SLBP: variants seen among roughly 807,000 people sequenced by gnomAD.
SLBP encodes histone RNA hairpin-binding protein.
Under a neutral mutation model 39.2 loss-of-function variants are expected in SLBP, and 29 were observed. That is an observed-to-expected ratio of 0.74 (90% CI 0.55 to 1.01). The LOEUF is 1.01. Among genes scored for constraint, SLBP ranks in the 50% least tolerant of loss-of-function variants. The pLI is 0.00. For synonymous variants in SLBP, 129 were observed against 118.7 expected (o/e 1.09, Z -0.57); for missense variants, 390 against 350.2 (o/e 1.11, Z -0.91).
At chr4:1,696,705 T>C (rs1253301107) in intron 5 of SLBP, among the ~76,000 whole-genome samples, 1 of 151,922 alleles carries the variant, frequency 6.6e-6, no homozygotes, top group African/African-American at 2.4e-5. Context: ...CGAGACCAGC[T>C]TGGCCAACAT....
intron 2 of SLBP, 85 bp from the exon 3 acceptor site, chr4:1,703,785 G>T: frequency 1.0e-6 from 1 of 952,606 alleles, no homozygotes; most frequent in Non-Finnish European, 1.7e-6. Flanking sequence ...TCAAAGGCTG[G>T]TGGGACACAG....
chr4:1,696,537 T>A (rs1716110853), intron 5 of SLBP, among the ~76,000 whole-genome samples, 186 bp from the exon 6 acceptor site: 1 of 151,744 alleles, frequency 6.6e-6, no homozygotes, highest in Non-Finnish European at 1.5e-5. Context: ...CTCAGGAATT[T>A]AAAAATGGCC....
At chr4:1,701,201 A>T (rs1028373028) in intron 3 of SLBP, among the ~76,000 whole-genome samples, 2 of 137,032 alleles carry the variant, frequency 1.5e-5, no homozygotes, top group Non-Finnish European at 3.1e-5. Context: ...ACTGGAGTGC[A>T]ATGGCGAGAT....
At chr4:1,694,175 C>T (rs888644756) in intron 7 of SLBP, among the ~76,000 whole-genome samples, 1 of 152,138 alleles carries the variant, frequency 6.6e-6, no homozygotes. Context: ...CTCTGCCTCC[C>T]GGGTTCAAGT....
At chr4:1,699,421 A>G in intron 5 of SLBP, 143 bp downstream of exon 5, 1 of 634,890 alleles carries the variant, frequency 1.6e-6, no homozygotes, top group South Asian at 3.1e-5. Context: ...TATTTACGTC[A>G]TAAGCCCCAG....
chr4:1,696,736 A>C (rs1716119840), intron 5 of SLBP, among the ~76,000 whole-genome samples: 2 of 152,164 alleles, frequency 1.3e-5, no homozygotes, highest in Admixed American at 1.3e-4. Context: ...CGTCTCTACT[A>C]AAAATGCAAA....
In SLBP at chr4:1,712,243, G is replaced by T; in HGVS notation, c.-55C>A. The T allele has an allele frequency of 5.3e-6, 6 of 1,133,240 alleles. No individual in the cohort carries two copies. The highest frequency in any genetic ancestry group is 4.7e-5 in the South Asian group (2 of 42,468). The allele number at this position is 1,133,240 out of a possible 1,614,324, so 70.2% of individuals were successfully genotyped here. A position where few individuals can be genotyped will look rare whatever the true frequency, so the allele number is the denominator to read the frequency against. On this transcript the variant is annotated 5_prime_UTR_variant, in exon 1 of 8. Transcript: ENST00000489418. ...GCCGAGGCTGAGGCGGCGGCGGCGC[G>T]GGCAGAGAGCGCAGAGTAGAGCAGG...
At position 1,696,901 on chromosome 4, in the gene SLBP, A is replaced by G. The variant is rs186893549; in HGVS notation, c.480-550T>C. On this transcript the variant is annotated intron_variant, in intron 5 of 7. Coordinates refer to ENST00000489418, the MANE Select transcript of SLBP (RefSeq NM_006527.4). ...AACACAGCGAGACTTCACCTCCAAA[A>G]AAAAAAAAAACAAACGCTGCTGGGT... Among the ~76,000 whole-genome samples, 548 of 151,580 alleles carry G rather than the reference A, an allele frequency of 3.6e-3. 6 individuals are homozygous for G. Among genetic ancestry groups the G allele is most frequent in the African/African-American group, 0.013 (527 of 41,356 alleles).
chr4:1,711,474 C>T (rs1716766093), intron 2 of SLBP, among the ~76,000 whole-genome samples: 1 of 152,188 alleles, frequency 6.6e-6, no homozygotes, highest in Non-Finnish European at 1.5e-5. Context: ...CGCATCTCCA[C>T]CCTCCCTGCA....
intron 3 of SLBP, among the ~76,000 whole-genome samples, chr4:1,702,891 T>C (rs889605829): frequency 1.3e-5 from 2 of 152,190 alleles, no homozygotes; most frequent in Non-Finnish European, 2.9e-5. Flanking sequence ...CTCCATCTAC[T>C]GTGCTGGGTT....
In SLBP at chr4:1,696,357, G is replaced by T. The variant is rs747556177; in HGVS notation, c.480-6C>A. 7 of 1,558,434 alleles carry T rather than the reference G, an allele frequency of 4.5e-6. No homozygotes were observed. In the Admixed American group the frequency reaches 1.4e-4, roughly 31 times the overall value. ...TGCCAGGTTGTCGAAGGTGTCTACA[G>T]GAGAAAGATTATTCTAGCACATGCC... On this transcript the variant is annotated splice_region_variant and splice_polypyrimidine_tract_variant and intron_variant, in intron 5 of 7. Coordinates refer to ENST00000489418, the MANE Select transcript of SLBP (RefSeq NM_006527.4).
At position 1,703,668 on chromosome 4, in the gene SLBP, G is replaced by T. The variant is rs1321530184; in HGVS notation, c.209C>A (p.Ser70Tyr). The T allele has an allele frequency of 6.2e-7, 1 of 1,613,760 alleles. No homozygotes were observed. ...FTTPEGPKPR[S>Y]RCSDWASAVE... ...TGCACTTGCCCAGTCAGAGCATCTG[G>T]AACGGGGTTTAGGGCCTTCAGGAGT... The change falls in exon 3 of 8, where the codon TCC (serine) becomes TAC (tyrosine). Residue 70 changes from serine to tyrosine, a missense_variant. Ser to Tyr is a moderately radical substitution (Grantham distance 144, BLOSUM62 -2). Coordinates refer to ENST00000489418, the MANE Select transcript of SLBP (RefSeq NM_006527.4).
rs1716134576 is a variant in SLBP, at chr4:1,697,049, TCCA to T, written c.480-701_480-699del. Among the ~76,000 whole-genome samples, 9 of 149,936 alleles carry T rather than the reference TCCA, an allele frequency of 6.0e-5. No individual in the cohort carries two copies. The South Asian group carries it at 1.9e-3, about 32-fold the overall frequency. ...GGCTTATGCCTTGAGTCCCAGCTAC[TCCA>T]GCGGCTGAGGCAGAAGAATTGCTTG... On this transcript the variant is annotated intron_variant, in intron 5 of 7. Coordinates refer to ENST00000489418, the MANE Select transcript of SLBP (RefSeq NM_006527.4).
chr4:1,701,891 A>C (rs563399891), intron 3 of SLBP, among the ~76,000 whole-genome samples: 1 of 152,316 alleles, frequency 6.6e-6, no homozygotes, highest in African/African-American at 2.4e-5. Context: ...TGGGAAACAG[A>C]GCAAGACTCC....
chr4:1,706,093 T>C lies in SLBP; in HGVS notation c.177-2393A>G, dbSNP rs547305054. Reference sequence around the variant, plus strand: ...CAAGGTAAGGAGTTTGAGACCAGCCTGGCTAACATGGCGAAACCCCATCTC... The same window carrying C: ...CAAGGTAAGGAGTTTGAGACCAGCCCGGCTAACATGGCGAAACCCCATCTC... On this transcript the variant is annotated intron_variant, in intron 2 of 7. Coordinates refer to ENST00000489418, the MANE Select transcript of SLBP (RefSeq NM_006527.4). 1.6e-4 allele frequency among the ~76,000 whole-genome samples: 24 copies of C among 152,316 alleles called. 1 individual carries two copies. The South Asian group carries it at 4.6e-3, about 29-fold the overall frequency.
chr4:1,704,476 A>T (rs769071315), intron 2 of SLBP, among the ~76,000 whole-genome samples: 2 of 152,192 alleles, frequency 1.3e-5, no homozygotes, highest in Admixed American at 1.3e-4. Context: ...ACCAATGTCA[A>T]TGTTGACAGG....
chr4:1,701,389 C>T (rs1219250600), intron 3 of SLBP, among the ~76,000 whole-genome samples: 2 of 152,098 alleles, frequency 1.3e-5, no homozygotes, highest in East Asian at 1.9e-4. Context: ...TCAGGTGATC[C>T]GCCCGCCTTG....
In SLBP at chr4:1,707,610, T is replaced by TATTTTTCTACCCC. The variant is rs1199240507; in HGVS notation, c.177-3923_177-3911dup. Among the ~76,000 whole-genome samples, 4 of 152,350 alleles carry TATTTTTCTACCCC rather than the reference T, an allele frequency of 2.6e-5. No individual in the cohort carries two copies. In the East Asian group the frequency reaches 7.7e-4, roughly 29 times the overall value. Reference sequence around the variant, plus strand: ...TACATCAGACATAAACTCACATTTTTATTTTTCTACCCCATTTTTCTGTTG... The same window carrying TATTTTTCTACCCC: ...TACATCAGACATAAACTCACATTTTTATTTTTCTACCCCATTTTTCTACCCCATTTTTCTGTTG... On this transcript the variant is annotated intron_variant, in intron 2 of 7. Coordinates refer to ENST00000489418, the MANE Select transcript of SLBP (RefSeq NM_006527.4).
intron 7 of SLBP, among the ~76,000 whole-genome samples, chr4:1,694,367 G>A (rs978612586): frequency 2.2e-4 from 34 of 151,784 alleles, no homozygotes; most frequent in Non-Finnish European, 3.7e-4. Context: ...ACAGGCGTGA[G>A]CCACCACGCG....
Sources: gnomAD v4.1 joint callset for allele counts (sites outside exome capture counted in the v4.1 genomes callset) on GRCh38, gnomAD v4.1.1 for gene constraint, MANE v1.5 for transcripts, NCBI Gene and HGNC (gene_info 2026-07-23, HGNC 2026-07-21) for gene names.